The following CPVL variants were observed in gnomAD, a reference collection of about 807,000 sequenced individuals.
CPVL encodes probable serine carboxypeptidase CPVL.
In CPVL, 51 loss-of-function variants were observed where a neutral mutation model predicts 63.7. The observed-to-expected ratio is 0.80, with a 90% CI of 0.64 to 1.01. The LOEUF (loss-of-function observed/expected upper bound fraction) is 1.01, where lower values mean the gene tolerates loss of function less well. Ranked by LOEUF, CPVL falls within the 50% of genes least tolerant of loss-of-function variation. The pLI is 0.00. For synonymous variants in CPVL, 195 were observed against 206.0 expected (o/e 0.95, Z 0.46); for missense variants, 530 against 573.1 (o/e 0.92, Z 0.77).
chr7:29,026,701 C>A (rs572129490), intron 12 of CPVL, among the ~76,000 whole-genome samples: 3 of 152,086 alleles, frequency 2.0e-5, no homozygotes, highest in Non-Finnish European at 4.4e-5. Context: ...TCATCAGAGA[C>A]TATTATGGAC....
intron 3 of CPVL, among the ~76,000 whole-genome samples, chr7:29,103,257 T>TTC (rs1554339946): frequency 2.0e-5 from 3 of 150,212 alleles, no homozygotes; most frequent in African/African-American, 4.9e-5. Flanking sequence ...TGTTTTTTTT[T>TTC]TTTTTTGAGA....
intron 6 of CPVL, among the ~76,000 whole-genome samples, chr7:29,088,400 C>T (rs570283058): frequency 6.6e-6 from 1 of 152,214 alleles, no homozygotes; most frequent in South Asian, 2.1e-4. Context: ...TCAAGTTCCA[C>T]TTGAGGAAGT....
At chr7:29,151,221 GC>G (rs2128692237), upstream of CPVL, among the ~76,000 whole-genome samples, 1 of 152,258 alleles carries the variant, frequency 6.6e-6, no homozygotes, top group Admixed American at 6.5e-5. Context: ...TCTAATAAGT[GC>G]TTCCACTCTT....
At chr7:29,190,306 T>G (rs1782727810) in intron 1 of CPVL, among the ~76,000 whole-genome samples, 1 of 152,218 alleles carries the variant, frequency 6.6e-6, no homozygotes, top group African/African-American at 2.4e-5. Context: ...CGAATAGCCC[T>G]GCTATTCTCC....
intron 11 of CPVL, among the ~76,000 whole-genome samples, chr7:29,041,282 T>C (rs1442152613): frequency 6.6e-6 from 1 of 151,934 alleles, no homozygotes; most frequent in African/African-American, 2.4e-5. Flanking sequence ...TCACCATGTT[T>C]CCCAGGCTGG....
At chr7:29,017,444 G>A (rs1288760123) in intron 12 of CPVL, among the ~76,000 whole-genome samples, 2 of 152,276 alleles carry the variant, frequency 1.3e-5, no homozygotes, top group East Asian at 1.9e-4. Context: ...GACCAGCCTG[G>A]CCAACACGGT....
In CPVL at chr7:29,178,615, C is replaced by A. The variant is rs550401229; in HGVS notation, c.-11+2675G>T. 1.9e-4 allele frequency among the ~76,000 whole-genome samples: 29 copies of A among 152,168 alleles called. No homozygotes were observed. The East Asian group carries it at 5.6e-3, about 29-fold the overall frequency. ...TTTGAAGTTATCTTTTTAAAAAAAG[C>A]AGTTCATTGTCTGTGCCTCTTAAGG... On this transcript the variant is annotated intron_variant, in intron 5 of 16. Coordinates refer to the CPVL transcript ENST00000409850.
chr7:29,159,854 G>A (rs1280237357), intron 5 of CPVL, among the ~76,000 whole-genome samples: 1 of 152,144 alleles, frequency 6.6e-6, no homozygotes, highest in African/African-American at 2.4e-5. Context: ...CTCAACTAGT[G>A]TAATGCAAGT....
At chr7:29,134,357 C>T (rs570119699) in intron 1 of CPVL, among the ~76,000 whole-genome samples, 40 of 152,338 alleles carry the variant, frequency 2.6e-4, no homozygotes, top group African/African-American at 9.4e-4. Context: ...CAAATCCCTT[C>T]AACACAGTGT....
intron 5 of CPVL, among the ~76,000 whole-genome samples, chr7:29,166,221 G>A (rs1453471985): frequency 6.6e-6 from 1 of 151,968 alleles, no homozygotes; most frequent in Non-Finnish European, 1.5e-5. Context: ...TTTTGTAGAG[G>A]TGGGGTCTCA....
intron 5 of CPVL, among the ~76,000 whole-genome samples, chr7:29,176,118 G>T (rs1001468097): frequency 1.3e-5 from 2 of 151,852 alleles, no homozygotes; most frequent in African/African-American, 2.4e-5. Context: ...CCTGGGAGGC[G>T]GAGCTTACAG....
intron 3 of CPVL, among the ~76,000 whole-genome samples, chr7:29,096,701 C>CA (rs1024316696): frequency 7.2e-5 from 11 of 152,238 alleles, no homozygotes; most frequent in African/African-American, 2.2e-4. Context: ...AACGTGTTCA[C>CA]AGCTGGTCGC....
chr7:29,049,986 T>C (rs1325257392), intron 11 of CPVL, among the ~76,000 whole-genome samples: 2 of 152,092 alleles, frequency 1.3e-5, no homozygotes, highest in African/African-American at 4.8e-5. Flanking sequence ...ATTAAAACTC[T>C]CAGCAAAATT....
At position 29,043,643 on chromosome 7, in the gene CPVL, C is replaced by A. The variant is rs182140170; in HGVS notation, c.1138-12884G>T. On this transcript the variant is annotated intron_variant, in intron 11 of 12. Transcript: ENST00000265394. ...AGAGCAAAAAGTTTCTGCTTTTGTGCTGCTGCGTTGATCATTACCCAATGA... is the reference window on the plus strand; with the variant it reads ...AGAGCAAAAAGTTTCTGCTTTTGTGATGCTGCGTTGATCATTACCCAATGA... 6.4e-4 allele frequency among the ~76,000 whole-genome samples: 98 copies of A among 152,246 alleles called. 1 individual carries two copies. The South Asian group carries it at 0.011, about 17-fold the overall frequency.
At chr7:29,000,532 T>G (rs961027766) in intron 12 of CPVL, among the ~76,000 whole-genome samples, 4 of 151,878 alleles carry the variant, frequency 2.6e-5, no homozygotes, top group Non-Finnish European at 5.9e-5. Context: ...GCAGGGGCCG[T>G]GAAGCTGCGG....
At position 29,153,490 on chromosome 7, in the gene CPVL, A is replaced by G. The variant is rs562487110; in HGVS notation, c.-11+27800T>C. 3.3e-4 allele frequency among the ~76,000 whole-genome samples: 50 copies of G among 152,280 alleles called. 1 individual carries two copies. The East Asian group carries it at 6.0e-3, about 18-fold the overall frequency. ...CTTCTTCTCCTCTTCAGCCTATTCAATGTGAAGACAATGAGGATGAAGACC... is the reference window on the plus strand; with the variant it reads ...CTTCTTCTCCTCTTCAGCCTATTCAGTGTGAAGACAATGAGGATGAAGACC... On this transcript the variant is annotated intron_variant, in intron 5 of 16. Coordinates refer to the CPVL transcript ENST00000409850.
intron 6 of CPVL, among the ~76,000 whole-genome samples, chr7:29,092,181 T>C (rs1193595623): frequency 1.5e-5 from 1 of 66,624 alleles, no homozygotes; most frequent in African/African-American, 2.1e-4. Flanking sequence ...ACATTTTTCC[T>C]TTTTTTTTTT....
chr7:29,098,481 T>C (rs562813361), intron 3 of CPVL, among the ~76,000 whole-genome samples: 2 of 152,278 alleles, frequency 1.3e-5, no homozygotes, highest in African/African-American at 4.8e-5. Flanking sequence ...TTAAGCAACA[T>C]AATTAAAGCC....
At chr7:29,075,587 C>T (rs2128581655) in intron 7 of CPVL, among the ~76,000 whole-genome samples, 2 of 150,032 alleles carry the variant, frequency 1.3e-5, no homozygotes, top group East Asian at 3.9e-4. Flanking sequence ...GTCTGAGGTC[C>T]CCCAAGGTGG....
Sources: allele counts gnomAD v4.1 joint callset (sites outside exome capture counted in the v4.1 genomes callset), GRCh38; gene constraint gnomAD v4.1.1; transcripts MANE v1.5; gene names NCBI Gene and HGNC (gene_info 2026-07-23, HGNC 2026-07-21).